TNFSF8: variants seen among roughly 807,000 people sequenced by gnomAD.
TNFSF8 encodes tumor necrosis factor ligand superfamily member 8.
Under a neutral mutation model 22.0 loss-of-function variants are expected in TNFSF8, and 4 were observed. The ratio of observed to expected loss-of-function variants is 0.18; its 90% CI spans 0.09 to 0.42. The LOEUF (loss-of-function observed/expected upper bound fraction) is 0.42, where lower values mean the gene tolerates loss of function less well. Ranked by LOEUF, TNFSF8 falls within the 10% of genes least tolerant of loss-of-function variation. The probability of loss-of-function intolerance (pLI) is 1.00; values close to 1 mark genes in which losing one functional copy is unlikely to be tolerated. For missense variants in TNFSF8, 233 were observed against 281.8 expected (o/e 0.83, Z 1.24); for synonymous variants, 106 against 112.5 (o/e 0.94, Z 0.37).
intron 2 of TNFSF8, among the ~76,000 whole-genome samples, chr9:114,915,434 A>T (rs558946100): frequency 1.4e-4 from 22 of 152,208 alleles, no homozygotes; most frequent in Non-Finnish European, 5.9e-5. Flanking sequence ...TATTTTTTCT[A>T]CCTCACCCTA....
At chr9:114,894,383 T>C (rs991308426) in intron 4 of TNFSF8, among the ~76,000 whole-genome samples, 3 of 152,104 alleles carry the variant, frequency 2.0e-5, no homozygotes, top group Non-Finnish European at 4.4e-5. Context: ...AATGTCTGAG[T>C]TGAAATTTTA....
chr9:114,927,237 T>C (rs1266802927), intron 1 of TNFSF8, among the ~76,000 whole-genome samples: 3 of 152,074 alleles, frequency 2.0e-5, no homozygotes, highest in East Asian at 3.9e-4. Context: ...AGTTCCATAG[T>C]AACTCAAAGA....
At chr9:114,916,774 CACT>C (rs1827924305) in intron 2 of TNFSF8, among the ~76,000 whole-genome samples, 1 of 152,220 alleles carries the variant, frequency 6.6e-6, no homozygotes, top group Admixed American at 6.5e-5. Flanking sequence ...CCTGGCTCAG[CACT>C]ACAACAGCAG....
chr9:114,906,190 T>C (rs1174101481), intron 2 of TNFSF8, among the ~76,000 whole-genome samples: 1 of 152,220 alleles, frequency 6.6e-6, no homozygotes, highest in Non-Finnish European at 1.5e-5. Flanking sequence ...GGGCCATTTT[T>C]TGGCACTATA....
At chr9:114,917,736 G>A (rs1392122283) in intron 2 of TNFSF8, among the ~76,000 whole-genome samples, 1 of 152,162 alleles carries the variant, frequency 6.6e-6, no homozygotes, top group African/African-American at 2.4e-5. Context: ...CCATTTAACA[G>A]ATGAGGAGTT....
intron 2 of TNFSF8, among the ~76,000 whole-genome samples, chr9:114,911,939 G>A (rs1276795909): frequency 6.6e-6 from 1 of 152,112 alleles, no homozygotes; most frequent in Admixed American, 6.5e-5. Flanking sequence ...AGGTGAGTCT[G>A]GAGACATAGG....
intron 1 of TNFSF8, among the ~76,000 whole-genome samples, chr9:114,923,512 T>TTCTC (rs1564372324): frequency 1.1e-5 from 1 of 87,458 alleles, no homozygotes; most frequent in African/African-American, 7.8e-5. Flanking sequence ...CTTTCTTTCT[T>TTCTC]TCTTTCTTTC....
chr9:114,926,069 C>T (rs1393500410), intron 1 of TNFSF8, among the ~76,000 whole-genome samples: 3 of 152,120 alleles, frequency 2.0e-5, no homozygotes, highest in Non-Finnish European at 4.4e-5. Context: ...TGCAGGCTGC[C>T]TATTTGCATG....
chr9:114,902,907 A>ATACCG lies in TNFSF8; in HGVS notation c.*1023_*1024insCGGTA, dbSNP rs1827734119. ...GTATACAAGTTTAATTTCTCATACCAGAAGCCGGGCTTAGTCACCCTTGAT... is the reference window on the plus strand; with the variant it reads ...GTATACAAGTTTAATTTCTCATACCATACCGGAAGCCGGGCTTAGTCACCCTTGAT... On this transcript the variant is annotated 3_prime_UTR_variant, in exon 4 of 4. Transcript: ENST00000223795. The ATACCG allele has an allele frequency of 3.3e-6, 1 of 303,862 alleles. No homozygotes were observed. Among genetic ancestry groups the ATACCG allele is most frequent in the African/African-American group, 2.3e-5 (1 of 44,178 alleles). The allele number at this position is 303,862 out of a possible 1,614,324, so 18.8% of individuals were successfully genotyped here. A position where few individuals can be genotyped will look rare whatever the true frequency, so the allele number is the denominator to read the frequency against.
At chr9:114,918,944 A>ATGTTTGG (rs1467196596) in intron 1 of TNFSF8, among the ~76,000 whole-genome samples, 4 of 151,084 alleles carry the variant, frequency 2.6e-5, no homozygotes, top group African/African-American at 7.3e-5. Context: ...CCCCCTCCAT[A>ATGTTTGG]TGTTTGGGTG....
chr9:114,904,669 C>A (rs1414372593), intron 3 of TNFSF8, among the ~76,000 whole-genome samples: 1 of 152,114 alleles, frequency 6.6e-6, no homozygotes, highest in Non-Finnish European at 1.5e-5. Context: ...ACTATAAGCT[C>A]CTGGACTCTG....
intron 2 of TNFSF8, 42 bp downstream of exon 2, chr9:114,918,054 A>G (rs774124325): frequency 6.4e-7 from 1 of 1,563,268 alleles, no homozygotes; most frequent in Non-Finnish European, 8.7e-7. Flanking sequence ...GCATTTATCT[A>G]GATGACTTAC....
At position 114,930,477 on chromosome 9, in the gene TNFSF8, G is replaced by A. The variant is rs552118107; in HGVS notation, c.-174C>T. 21 of 481,562 alleles carry A rather than the reference G, an allele frequency of 4.4e-5. 1 individual carries two copies. Among genetic ancestry groups the A allele is most frequent in the African/African-American group, 3.8e-4 (19 of 49,714 alleles). 29.8% of individuals were successfully genotyped at this position (481,562 alleles called of 1,614,324 possible). On this transcript the variant is annotated 5_prime_UTR_variant, in exon 1 of 4. Coordinates refer to ENST00000223795, the MANE Select transcript of TNFSF8 (RefSeq NM_001244.4). Reference sequence around the variant, plus strand: ...TCTTCTCTGGGGGCGTGAGGCGAGAGGCGGCAGCAAGGGTGGGGGAGAGGT... The same window carrying A: ...TCTTCTCTGGGGGCGTGAGGCGAGAAGCGGCAGCAAGGGTGGGGGAGAGGT...
rs947237802 is a variant in TNFSF8, at chr9:114,902,577, G to C, written c.*1354C>G. 1.0e-6 allele frequency: 1 copy of C among 985,300 alleles called. No homozygotes were observed. Among genetic ancestry groups the C allele is most frequent in the African/African-American group, 1.7e-5 (1 of 57,236 alleles). The allele number at this position is 985,300 out of a possible 1,614,324, so 61.0% of individuals were successfully genotyped here. A position where few individuals can be genotyped will look rare whatever the true frequency, so the allele number is the denominator to read the frequency against. On this transcript the variant is annotated 3_prime_UTR_variant, in exon 4 of 4. Coordinates refer to ENST00000223795, the MANE Select transcript of TNFSF8 (RefSeq NM_001244.4). ...TCCATTACATCCTTGAGATCCTGCT[G>C]TTCACACCATTCAGCAGGGCACCCT...
At chr9:114,924,938 T>A (rs1828038152) in intron 1 of TNFSF8, among the ~76,000 whole-genome samples, 1 of 152,166 alleles carries the variant, frequency 6.6e-6, no homozygotes, top group Non-Finnish European at 1.5e-5. Flanking sequence ...TTTTTCTGGA[T>A]TGCTAAATGG....
At chr9:114,895,887 C>T (rs906626347) in intron 4 of TNFSF8, among the ~76,000 whole-genome samples, 3 of 152,220 alleles carry the variant, frequency 2.0e-5, no homozygotes, top group African/African-American at 7.2e-5. Context: ...GCATCCAAAG[C>T]TTTCAACATG....
At chr9:114,928,527 C>G (rs1828091965) in intron 1 of TNFSF8, among the ~76,000 whole-genome samples, 1 of 152,160 alleles carries the variant, frequency 6.6e-6, no homozygotes. Context: ...TCCACCATCT[C>G]TCTCTCTCTC....
chr9:114,906,510 A>T (rs1253457080), intron 2 of TNFSF8, among the ~76,000 whole-genome samples: 1 of 152,164 alleles, frequency 6.6e-6, no homozygotes, highest in African/African-American at 2.4e-5. Flanking sequence ...AGTTCAGACA[A>T]GTTTGTGTAA....
At chr9:114,920,031 T>A (rs949913465) in intron 1 of TNFSF8, among the ~76,000 whole-genome samples, 1 of 152,246 alleles carries the variant, frequency 6.6e-6, no homozygotes, top group African/African-American at 2.4e-5. Flanking sequence ...TTTGTTGCCT[T>A]AGTTGAAAGC....
Sources: gnomAD v4.1 joint callset for allele counts (sites outside exome capture counted in the v4.1 genomes callset) on GRCh38, gnomAD v4.1.1 for gene constraint, MANE v1.5 for transcripts, NCBI Gene and HGNC (gene_info 2026-07-23, HGNC 2026-07-21) for gene names.